TBCK: variants seen among roughly 807,000 people sequenced by gnomAD.
TBCK encodes TBC1 domain containing kinase.
In TBCK, 99 loss-of-function variants were observed where a neutral mutation model predicts 113.4. The observed-to-expected ratio is 0.87, with a 90% CI of 0.74 to 1.03. The LOEUF is 1.03. Ranked by LOEUF, TBCK falls within the 50% of genes least tolerant of loss-of-function variation. The pLI is 0.00. For missense variants in TBCK, 1,045 were observed against 1,061.3 expected (o/e 0.98, Z 0.21); for synonymous variants, 369 against 370.8 (o/e 1.00, Z 0.05).
At chr4:106,219,572 T>C (rs1409005515) in intron 19 of TBCK, among the ~76,000 whole-genome samples, 2 of 152,116 alleles carry the variant, frequency 1.3e-5, no homozygotes, top group Non-Finnish European at 2.9e-5. Context: ...CTTCCAAAGT[T>C]ACTATTCTTG....
In TBCK at chr4:106,247,106, C is replaced by T. The variant is rs746010529; in HGVS notation, c.931+33G>A. On this transcript the variant is annotated intron_variant, in intron 10 of 25. Coordinates refer to ENST00000394708, the MANE Select transcript of TBCK (RefSeq NM_001163435.3). Reference sequence around the variant, plus strand: ...AGGAAACTTCTTTAAAAACAAGGCTCATATTATTCTCTATGCTTTAATTTA... The same window carrying T: ...AGGAAACTTCTTTAAAAACAAGGCTTATATTATTCTCTATGCTTTAATTTA... 31 of 1,589,410 alleles carry T rather than the reference C, an allele frequency of 2.0e-5. 1 individual carries two copies. The Admixed American group carries it at 4.9e-4, about 25-fold the overall frequency.
chr4:106,298,241 T>C (rs1766521751), intron 2 of TBCK, among the ~76,000 whole-genome samples: 1 of 152,206 alleles, frequency 6.6e-6, no homozygotes, highest in Non-Finnish European at 1.5e-5. Flanking sequence ...ATTCTAGAAA[T>C]AAAAAATTCC....
chr4:106,200,536 T>C (rs1043880489), intron 20 of TBCK, among the ~76,000 whole-genome samples: 2 of 152,074 alleles, frequency 1.3e-5, no homozygotes, highest in African/African-American at 4.8e-5. Context: ...CAAGACCCTG[T>C]CTCAGAAATA....
In TBCK at chr4:106,043,576, T is replaced by C. The variant is rs1388422126; in HGVS notation, c.*2994A>G. On this transcript the variant is annotated 3_prime_UTR_variant, in exon 26 of 26. Coordinates refer to ENST00000394708, the MANE Select transcript of TBCK (RefSeq NM_001163435.3). ...TAGGGGACTAAATGTAAACAAACGA[T>C]TGCAAAATGATGTAATAAATCTATT... 6.6e-6 allele frequency: 1 copy of C among 152,168 alleles called. No individual in the cohort carries two copies. The highest frequency in any genetic ancestry group is 2.4e-5 in the African/African-American group (1 of 41,440). 9.4% of individuals were successfully genotyped at this position (152,168 alleles called of 1,614,324 possible).
intron 23 of TBCK, among the ~76,000 whole-genome samples, chr4:106,157,285 G>A (rs1460935163): frequency 6.6e-6 from 1 of 152,062 alleles, no homozygotes; most frequent in Non-Finnish European, 1.5e-5. Flanking sequence ...CTTTTTTGGA[G>A]CCCCATGCTG....
chr4:106,138,369 G>T (rs1180596066), intron 23 of TBCK, among the ~76,000 whole-genome samples: 1 of 140,428 alleles, frequency 7.1e-6, no homozygotes, highest in Admixed American at 7.0e-5. Context: ...CAAAACTCTT[G>T]CTTACTTTCT....
intron 19 of TBCK, among the ~76,000 whole-genome samples, chr4:106,218,667 G>C (rs1191362004): frequency 4.5e-5 from 5 of 111,632 alleles, no homozygotes; most frequent in Non-Finnish European, 9.9e-5. Flanking sequence ...AAACCACAAT[G>C]AGATACCATC....
At chr4:106,254,120 T>C (rs1332396444) in intron 5 of TBCK, among the ~76,000 whole-genome samples, 1 of 152,216 alleles carries the variant, frequency 6.6e-6, no homozygotes, top group African/African-American at 2.4e-5. Flanking sequence ...TTATGTGATG[T>C]TTCTGGCCAG....
At chr4:106,085,993 CT>C (rs1192845759) in intron 25 of TBCK, among the ~76,000 whole-genome samples, 2 of 152,088 alleles carry the variant, frequency 1.3e-5, no homozygotes, top group East Asian at 3.9e-4. Flanking sequence ...CATCAGAAAG[CT>C]AAAAAGATCT....
intron 3 of TBCK, among the ~76,000 whole-genome samples, chr4:106,263,097 T>C: frequency 6.6e-6 from 1 of 151,994 alleles, no homozygotes; most frequent in Non-Finnish European, 1.5e-5. Context: ...GCTTTATTAA[T>C]TATCCTCTAA....
At chr4:106,079,214 A>T (rs1738574776) in intron 25 of TBCK, among the ~76,000 whole-genome samples, 1 of 152,232 alleles carries the variant, frequency 6.6e-6, no homozygotes, top group African/African-American at 2.4e-5. Context: ...CACAGCCAAT[A>T]TCATAATAAA....
At chr4:106,197,462 A>C (rs1754398739) in intron 20 of TBCK, among the ~76,000 whole-genome samples, 1 of 149,468 alleles carries the variant, frequency 6.7e-6, no homozygotes, top group Admixed American at 6.7e-5. Context: ...ACCACTTCAA[A>C]TGATCAGAGT....
At chr4:106,272,328 C>T (rs545358764) in intron 3 of TBCK, among the ~76,000 whole-genome samples, 3 of 151,952 alleles carry the variant, frequency 2.0e-5, no homozygotes, top group African/African-American at 4.8e-5. Flanking sequence ...GTGCTACATA[C>T]GTTTCTTAAT....
intron 23 of TBCK, among the ~76,000 whole-genome samples, chr4:106,170,397 G>A (rs1166137132): frequency 2.0e-5 from 3 of 151,780 alleles, no homozygotes; most frequent in African/African-American, 4.8e-5. Context: ...TGTAATTATT[G>A]AAATTGCTCT....
rs540780500 is a variant in TBCK at position 106,081,035 on chromosome 4, G to A, written c.2571+14447C>T. ...TCAAACAACATATGCTGGCAAGGTT[G>A]CAGAGAAAAAGGAACACTTTTACAC... On this transcript the variant is annotated intron_variant, in intron 25 of 25. Transcript: ENST00000394708. Among the ~76,000 whole-genome samples the A allele has an allele frequency of 1.2e-4, 18 of 152,270 alleles. 1 individual carries two copies. The highest frequency in any genetic ancestry group is 5.9e-4 in the Admixed American group (9 of 15,298).
chr4:106,240,121 C>T (rs1182058148), intron 12 of TBCK, among the ~76,000 whole-genome samples: 1 of 151,858 alleles, frequency 6.6e-6, no homozygotes, highest in Non-Finnish European at 1.5e-5. Flanking sequence ...TAACATAATA[C>T]ATAAAAAAGC....
chr4:106,269,460 C>T (rs1763281483), intron 3 of TBCK, among the ~76,000 whole-genome samples: 2 of 151,896 alleles, frequency 1.3e-5, no homozygotes, highest in South Asian at 4.2e-4. Flanking sequence ...CAATATTTAA[C>T]AGAGCAAAAA....
At chr4:106,305,783 C>T (rs1017367584) in intron 2 of TBCK, among the ~76,000 whole-genome samples, 2 of 152,100 alleles carry the variant, frequency 1.3e-5, no homozygotes, top group African/African-American at 4.8e-5. Flanking sequence ...TAGCTAAAAC[C>T]CATCAAAACC....
chr4:106,190,756 A>C (rs561670189), intron 22 of TBCK, among the ~76,000 whole-genome samples: 4 of 150,744 alleles, frequency 2.7e-5, no homozygotes, highest in African/African-American at 9.7e-5. Flanking sequence ...TTTCTTTTTT[A>C]TGGAGACAGA....
Sources: allele counts gnomAD v4.1 joint callset (sites outside exome capture counted in the v4.1 genomes callset), GRCh38; gene constraint gnomAD v4.1.1; transcripts MANE v1.5; gene names NCBI Gene and HGNC (gene_info 2026-07-23, HGNC 2026-07-21).